Variants in CLIC4 observed in about 807,000 individuals in gnomAD.
CLIC4 encodes CLIC family member 4.
In CLIC4, 13 loss-of-function variants were observed where a neutral mutation model predicts 24.6. That is an observed-to-expected ratio of 0.53 (90% confidence interval 0.34 to 0.84). CLIC4 has a LOEUF of 0.84. Among genes scored for constraint, CLIC4 ranks in the 40% least tolerant of loss-of-function variants. The pLI is 0.01. For missense variants in CLIC4, 227 were observed against 301.7 expected (o/e 0.75, Z 1.83); for synonymous variants, 104 against 111.3 (o/e 0.93, Z 0.41).
chr1:24,818,756 G>A (rs998639277), intron 3 of CLIC4, among the ~76,000 whole-genome samples: 3 of 151,238 alleles, frequency 2.0e-5, no homozygotes, highest in African/African-American at 7.3e-5. Context: ...GGACGGGGAA[G>A]TGAATGGAAT....
intron 2 of CLIC4, among the ~76,000 whole-genome samples, chr1:24,807,466 C>T (rs1313698887): frequency 6.6e-6 from 1 of 152,028 alleles, no homozygotes; most frequent in East Asian, 1.9e-4. Flanking sequence ...GGTTTTTATC[C>T]CTGACTCACG....
chr1:24,794,061 A>G (rs917597505), intron 1 of CLIC4, among the ~76,000 whole-genome samples: 2 of 151,924 alleles, frequency 1.3e-5, no homozygotes, highest in African/African-American at 2.4e-5. Context: ...TTTCCTTCCC[A>G]TCTCTCCTTT....
At chr1:24,801,958 C>T (rs902723478) in intron 2 of CLIC4, among the ~76,000 whole-genome samples, 3 of 151,916 alleles carry the variant, frequency 2.0e-5, no homozygotes, top group Admixed American at 6.6e-5. Flanking sequence ...ATGTAGTTAC[C>T]CTTCTATTAC....
At chr1:24,759,755 C>T (rs909226132) in intron 1 of CLIC4, among the ~76,000 whole-genome samples, 9 of 152,146 alleles carry the variant, frequency 5.9e-5, no homozygotes, top group Non-Finnish European at 1.3e-4. Flanking sequence ...TCAAGACCAG[C>T]CTCTGCAACG....
chr1:24,759,930 C>T (rs1638899948), intron 1 of CLIC4, among the ~76,000 whole-genome samples: 1 of 151,932 alleles, frequency 6.6e-6, no homozygotes, highest in Non-Finnish European at 1.5e-5. Flanking sequence ...CACTGCCCTC[C>T]AGCCTGGGCC....
chr1:24,815,735 A>G (rs1200834135), intron 3 of CLIC4, among the ~76,000 whole-genome samples: 2 of 152,184 alleles, frequency 1.3e-5, no homozygotes, highest in Non-Finnish European at 1.5e-5. Context: ...ATAGTGTTTG[A>G]TAGCATTTAA....
intron 1 of CLIC4, among the ~76,000 whole-genome samples, chr1:24,781,375 C>T (rs1025015931): frequency 6.6e-6 from 1 of 151,414 alleles, no homozygotes; most frequent in Non-Finnish European, 1.5e-5. Flanking sequence ...AACTCCTGAC[C>T]TCGTGATCCA....
chr1:24,787,108 G>A (rs1007976081), intron 1 of CLIC4, among the ~76,000 whole-genome samples: 3 of 152,082 alleles, frequency 2.0e-5, no homozygotes, highest in Non-Finnish European at 2.9e-5. Flanking sequence ...ATTTTTTGTG[G>A]TGATGGGATC....
chr1:24,816,544 G>T (rs951950882), intron 3 of CLIC4, among the ~76,000 whole-genome samples: 17 of 152,008 alleles, frequency 1.1e-4, no homozygotes, highest in African/African-American at 3.9e-4. Flanking sequence ...CACCAGACCT[G>T]GCTGAATGTT....
chr1:24,760,408 C>A (rs1638913136), intron 1 of CLIC4, among the ~76,000 whole-genome samples: 1 of 152,046 alleles, frequency 6.6e-6, no homozygotes, highest in Non-Finnish European at 1.5e-5. Flanking sequence ...ATAGATCCTG[C>A]TTTCCCTAGT....
intron 4 of CLIC4, among the ~76,000 whole-genome samples, chr1:24,828,587 G>T (rs1571265051): frequency 1.4e-5 from 2 of 147,254 alleles, no homozygotes; most frequent in African/African-American, 2.5e-5. Context: ...TTTCCATGTG[G>T]TTTTTTGGGA....
intron 1 of CLIC4, among the ~76,000 whole-genome samples, chr1:24,747,036 C>T (rs1224386893): frequency 6.7e-6 from 1 of 149,790 alleles, no homozygotes; most frequent in Non-Finnish European, 1.5e-5. Flanking sequence ...CCTCTGCAGT[C>T]TTCAGTAATG....
chr1:24,779,949 A>C (rs1268380244), intron 1 of CLIC4, among the ~76,000 whole-genome samples: 1 of 152,136 alleles, frequency 6.6e-6, no homozygotes, highest in African/African-American at 2.4e-5. Context: ...TTATTGTCTT[A>C]AATGGAAATC....
In CLIC4 at chr1:24,814,344, T is replaced by A; in HGVS notation, c.308+125T>A. 5.6e-6 allele frequency: 6 copies of A among 1,062,584 alleles called. 1 individual carries two copies. 65.8% of individuals were successfully genotyped at this position (1,062,584 alleles called of 1,614,324 possible). A position where few individuals can be genotyped will look rare whatever the true frequency, so the allele number is the denominator to read the frequency against. On this transcript the variant is annotated intron_variant, in intron 3 of 5. Coordinates refer to ENST00000374379, the MANE Select transcript of CLIC4 (RefSeq NM_013943.3). ...CTAGGACTCTCTTCTATGTTTCTTA[T>A]AATTAATGCTACACAGATATAAGAA... is the stretch of plus-strand genomic sequence containing the variant.
intron 3 of CLIC4, among the ~76,000 whole-genome samples, chr1:24,820,267 C>CTTTTTTTTTTTTTTTTTTT (rs372726009): frequency 2.0e-5 from 1 of 49,762 alleles, no homozygotes; most frequent in Non-Finnish European, 3.2e-5. Flanking sequence ...CCTTTTTGGT[C>CTTTTTTTTTTTTTTTTTTT]TTTTTTTTTT....
At chr1:24,768,535 C>T (rs1197631310) in intron 1 of CLIC4, among the ~76,000 whole-genome samples, 1 of 147,282 alleles carries the variant, frequency 6.8e-6, no homozygotes, top group African/African-American at 2.7e-5. Context: ...AAAATGAAGT[C>T]TTCTAATTTT....
chr1:24,793,430 G>A (rs1639363371), intron 1 of CLIC4, among the ~76,000 whole-genome samples: 1 of 152,142 alleles, frequency 6.6e-6, no homozygotes, highest in Non-Finnish European at 1.5e-5. Flanking sequence ...GCAGGCAGGT[G>A]CCTTACTTCA....
At chr1:24,794,367 T>TA (rs72075828) in intron 1 of CLIC4, among the ~76,000 whole-genome samples, 3 of 151,126 alleles carry the variant, frequency 2.0e-5, no homozygotes, top group Admixed American at 1.3e-4. Flanking sequence ...TTTTTTTTTT[T>TA]ACTTTTTGAA....
chr1:24,797,841 G>A lies in CLIC4; in HGVS notation c.172G>A (p.Asp58Asn). The change falls in exon 2 of 6, where the codon GAC (aspartate) becomes AAC (asparagine). Residue 58 changes from aspartate (D) to asparagine (N), a missense_variant. Transcript: ENST00000374379. ...AGTTGTATTTAGTGTGACGACTGTT[G>A]ACCTGAAAAGGTAAGACATGGTCGC... ...KGVVFSVTTVDLKRKPADLQN... is the reference protein window; with the variant it reads ...KGVVFSVTTVNLKRKPADLQN... 5.6e-6 allele frequency: 9 copies of A among 1,609,580 alleles called. No individual in the cohort carries two copies. The highest frequency in any genetic ancestry group is 7.6e-6 in the Non-Finnish European group (9 of 1,177,414).
Sources: gnomAD v4.1 joint callset for allele counts (sites outside exome capture counted in the v4.1 genomes callset) on GRCh38, gnomAD v4.1.1 for gene constraint, MANE v1.5 for transcripts, NCBI Gene and HGNC (gene_info 2026-07-23, HGNC 2026-07-21) for gene names.